FMN1: variants seen among roughly 807,000 people sequenced by gnomAD.
FMN1 encodes the protein formin-1.
FMN1 carries 110 observed loss-of-function variants against 132.4 expected under a neutral mutation model. The observed-to-expected ratio is 0.83, with a 90% CI of 0.71 to 0.97. FMN1 has a LOEUF of 0.97. Among genes scored for constraint, FMN1 ranks in the 50% least tolerant of loss-of-function variants. The probability of loss-of-function intolerance (pLI) is 0.00; values close to 1 mark genes in which losing one functional copy is unlikely to be tolerated. For synonymous variants in FMN1, 722 were observed against 651.7 expected (o/e 1.11, Z -1.64); for missense variants, 1,792 against 1,705.3 (o/e 1.05, Z -0.90).
chr15:32,877,862 T>C (rs537456010), intron 16 of FMN1, among the ~76,000 whole-genome samples: 1 of 148,424 alleles, frequency 6.7e-6, no homozygotes, highest in South Asian at 2.1e-4. Flanking sequence ...CTTCCATTGT[T>C]CATTTGCTCA....
At chr15:32,812,579 G>A (rs960731345) in intron 17 of FMN1, among the ~76,000 whole-genome samples, 3 of 152,186 alleles carry the variant, frequency 2.0e-5, no homozygotes, top group African/African-American at 7.2e-5. Context: ...CATTTTGGCC[G>A]AGACCGTCAC....
intron 17 of FMN1, among the ~76,000 whole-genome samples, chr15:32,807,898 A>C (rs1024284423): frequency 2.0e-5 from 3 of 152,226 alleles, no homozygotes; most frequent in Admixed American, 6.5e-5. Context: ...GTGACTTGGA[A>C]GCTCTAACAG....
intron 10 of FMN1, among the ~76,000 whole-genome samples, chr15:32,912,170 A>T (rs1243965840): frequency 6.6e-6 from 1 of 152,220 alleles, no homozygotes; most frequent in Non-Finnish European, 1.5e-5. Flanking sequence ...AATCTTAACT[A>T]ATGAGAAAGA....
chr15:33,027,285 T>C (rs535719344), intron 6 of FMN1, among the ~76,000 whole-genome samples: 95 of 152,186 alleles, frequency 6.2e-4, no homozygotes, highest in Non-Finnish European at 1.1e-3. Flanking sequence ...AAAATAAAAG[T>C]ACAGGGTGCT....
chr15:32,800,761 G>A (rs12593223), intron 18 of FMN1, among the ~76,000 whole-genome samples: 28,968 of 152,192 alleles, frequency 0.19, 2,967 homozygotes, highest in East Asian at 0.26. Flanking sequence ...TGCTCTGTCT[G>A]CTTTATCTTT....
chr15:33,030,518 G>T (rs1210818151), intron 6 of FMN1, among the ~76,000 whole-genome samples: 1 of 152,124 alleles, frequency 6.6e-6, no homozygotes, highest in Non-Finnish European at 1.5e-5. Context: ...ATGCCTTATT[G>T]GTTTAATGGG....
At chr15:32,887,292 G>T (rs1264104050) in intron 16 of FMN1, among the ~76,000 whole-genome samples, 1 of 151,990 alleles carries the variant, frequency 6.6e-6, no homozygotes, top group Non-Finnish European at 1.5e-5. Flanking sequence ...TGGCACTCTG[G>T]GCTCCATTTC....
At chr15:33,109,097 A>C (rs968600139) in intron 4 of FMN1, among the ~76,000 whole-genome samples, 14 of 152,160 alleles carry the variant, frequency 9.2e-5, no homozygotes, top group Admixed American at 2.6e-4. Context: ...AAAAGCAAGG[A>C]AGGCATAAAA....
chr15:33,127,177 G>A (rs3082368), intron 4 of FMN1, among the ~76,000 whole-genome samples: 52,610 of 150,652 alleles, frequency 0.35, 9,988 homozygotes, highest in South Asian at 0.42. Context: ...CAGAGAGGAG[G>A]TCAGGCCAGA....
At chr15:32,970,000 CTTT>C in intron 7 of FMN1, among the ~76,000 whole-genome samples, 1 of 152,286 alleles carries the variant, frequency 6.6e-6, no homozygotes, top group Non-Finnish European at 1.5e-5. Flanking sequence ...CGATAACTTA[CTTT>C]TTTAAAGTTT....
chr15:33,119,450 G>A (rs1476481471), intron 4 of FMN1, among the ~76,000 whole-genome samples: 2 of 152,192 alleles, frequency 1.3e-5, no homozygotes, highest in Non-Finnish European at 2.9e-5. Context: ...TCCATCGCAA[G>A]AGCAACTGCT....
chr15:33,014,428 G>A (rs1381384921), intron 6 of FMN1, among the ~76,000 whole-genome samples: 2 of 152,200 alleles, frequency 1.3e-5, no homozygotes, highest in African/African-American at 2.4e-5. Flanking sequence ...TTATAAGTGT[G>A]TGAAAAGGAG....
In FMN1 at chr15:32,951,650, G is replaced by T. The variant is rs76246913; in HGVS notation, c.3138+12457C>A. On this transcript the variant is annotated intron_variant, in intron 9 of 20. Coordinates refer to ENST00000616417, the MANE Select transcript of FMN1 (RefSeq NM_001277313.2). ...GCAATGATGGTGGTAATAGCATAGT[G>T]AAAGCACCATTGATGTGCCAAGCCC... is the stretch of plus-strand genomic sequence containing the variant. Among the ~76,000 whole-genome samples the T allele has an allele frequency of 9.9e-3, 1,513 of 152,254 alleles. 29 individuals carry two copies. Among genetic ancestry groups the T allele is most frequent in the African/African-American group, 0.033 (1,358 of 41,536 alleles).
intron 6 of FMN1, among the ~76,000 whole-genome samples, chr15:33,043,891 G>A (rs929883274): frequency 6.6e-6 from 1 of 152,208 alleles, no homozygotes; most frequent in East Asian, 1.9e-4. Flanking sequence ...CCGCCCTCCT[G>A]GGTGCAGCTG....
chr15:33,103,076 T>C (rs2039354073), intron 4 of FMN1, among the ~76,000 whole-genome samples: 1 of 152,268 alleles, frequency 6.6e-6, no homozygotes, highest in African/African-American at 2.4e-5. Flanking sequence ...ACAGTGCCTG[T>C]GTTTAGTAGA....
chr15:32,874,017 GTTTTTTTTT>G (rs962842419), intron 16 of FMN1, among the ~76,000 whole-genome samples: 17 of 115,100 alleles, frequency 1.5e-4, no homozygotes, highest in African/African-American at 5.8e-4. Flanking sequence ...TATTTTAGTT[GTTTTTTTTT>G]TTTTTTTTTT....
chr15:32,923,264 G>A (rs2060878144), intron 10 of FMN1, among the ~76,000 whole-genome samples: 1 of 152,130 alleles, frequency 6.6e-6, no homozygotes, highest in South Asian at 2.1e-4. Flanking sequence ...AACTTTTTAG[G>A]CCAACATCAG....
chr15:32,897,691 CA>C (rs2060193007), intron 15 of FMN1, among the ~76,000 whole-genome samples: 1 of 152,100 alleles, frequency 6.6e-6, no homozygotes, highest in African/African-American at 2.4e-5. Context: ...AGTAGAAAAG[CA>C]ATAGGATCAG....
At chr15:33,026,104 C>T (rs1343990261) in intron 6 of FMN1, among the ~76,000 whole-genome samples, 5 of 49,866 alleles carry the variant, frequency 1.0e-4, no homozygotes, top group African/African-American at 1.6e-4. Context: ...CATACACACA[C>T]ACACACACAC....
Sources: allele counts gnomAD v4.1 joint callset (sites outside exome capture counted in the v4.1 genomes callset), GRCh38; gene constraint gnomAD v4.1.1; transcripts MANE v1.5; gene names NCBI Gene and HGNC (gene_info 2026-07-23, HGNC 2026-07-21).